PDE1A: variants seen among roughly 807,000 people sequenced by gnomAD.
The protein encoded by PDE1A is phosphodiesterase 1A.
In PDE1A, 35 loss-of-function variants were observed where a neutral mutation model predicts 61.7. That is an observed-to-expected ratio of 0.57 (90% CI 0.43 to 0.75). PDE1A has a LOEUF of 0.75. Ranked by LOEUF, PDE1A falls within the 30% of genes least tolerant of loss-of-function variation. The pLI is 0.00. For missense variants in PDE1A, 597 were observed against 630.6 expected, an observed-to-expected ratio of 0.95 and a Z score of 0.57; for synonymous variants, 232 against 213.2, an observed-to-expected ratio of 1.09 and a Z score of -0.77.
upstream of PDE1A, among the ~76,000 whole-genome samples, chr2:182,430,797 G>T (rs372945307): frequency 7.6e-6 from 1 of 131,804 alleles, no homozygotes; most frequent in African/African-American, 2.7e-5. Flanking sequence ...ATGAGTTCAT[G>T]TCCTTTGTAG....
At chr2:182,476,471 A>G (rs1317156837) in intron 2 of PDE1A, among the ~76,000 whole-genome samples, 1 of 152,000 alleles carries the variant, frequency 6.6e-6, no homozygotes, top group East Asian at 1.9e-4. Flanking sequence ...CCTGGGCAAC[A>G]AAGCGAGACT....
At chr2:182,182,419 C>T (rs1684841548) in intron 13 of PDE1A, among the ~76,000 whole-genome samples, 1 of 152,124 alleles carries the variant, frequency 6.6e-6, no homozygotes, top group African/African-American at 2.4e-5. Context: ...ATTATAGACC[C>T]TCTCAACCAT....
At chr2:182,697,895 A>T in the PDE1A span, among the ~76,000 whole-genome samples, 1 of 152,210 alleles carries the variant, frequency 6.6e-6, no homozygotes, top group Non-Finnish European at 1.5e-5. Flanking sequence ...TGAGTGCTAC[A>T]ATTCAGGCAA....
At chr2:182,598,490 T>C in the PDE1A span, among the ~76,000 whole-genome samples, 1 of 151,090 alleles carries the variant, frequency 6.6e-6, no homozygotes, top group African/African-American at 2.4e-5. Flanking sequence ...GAGAATCACT[T>C]GAATCTGGGA....
chr2:182,662,332 A>C, the PDE1A span, among the ~76,000 whole-genome samples: 1 of 72,684 alleles, frequency 1.4e-5, no homozygotes, highest in South Asian at 4.6e-4. Context: ...TAAAAATTGA[A>C]AAAAAAAAGA....
chr2:182,699,333 G>C, the PDE1A span, among the ~76,000 whole-genome samples: 1 of 152,134 alleles, frequency 6.6e-6, no homozygotes, highest in Admixed American at 6.5e-5. Flanking sequence ...GGTTCACTAA[G>C]TGTCACATTT....
chr2:182,692,153 A>T, the PDE1A span, among the ~76,000 whole-genome samples: 1 of 152,194 alleles, frequency 6.6e-6, no homozygotes, highest in Non-Finnish European at 1.5e-5. Context: ...ATACAATGTG[A>T]CCCAGCAATC....
At chr2:182,660,400 C>T in the PDE1A span, among the ~76,000 whole-genome samples, 4 of 152,194 alleles carry the variant, frequency 2.6e-5, no homozygotes, top group South Asian at 2.1e-4. Context: ...CCCATTGCCC[C>T]TCATCCTGTA....
intron 1 of PDE1A, among the ~76,000 whole-genome samples, chr2:182,374,080 A>C (rs1407993577): frequency 6.6e-6 from 1 of 152,178 alleles, no homozygotes. Flanking sequence ...TAAAGTACTA[A>C]TGTTCAAAAA....
intron 1 of PDE1A, among the ~76,000 whole-genome samples, chr2:182,290,663 CT>C (rs924471250): frequency 5.1e-4 from 78 of 151,952 alleles, no homozygotes; most frequent in Admixed American, 3.2e-3. Flanking sequence ...TTGCTCCAAT[CT>C]AATCCATCCT....
chr2:182,704,510 A>T, the PDE1A span, among the ~76,000 whole-genome samples: 5 of 152,248 alleles, frequency 3.3e-5, no homozygotes, highest in African/African-American at 1.2e-4. Flanking sequence ...AGGTCAAAGT[A>T]AGAATTTTCT....
Position 182,186,593 on chromosome 2 carries a change from A to T in PDE1A, c.1208-5T>A. The T allele has an allele frequency of 6.3e-7, 1 of 1,594,256 alleles. No individual in the cohort carries two copies. The highest frequency in any genetic ancestry group is 8.5e-7 in the Non-Finnish European group (1 of 1,172,844). ...CTACTATGAAATCGATGAAACCTAC[A>T]AAAGCCAAAATGAGAAGAGAGAGAG... is the stretch of plus-strand genomic sequence containing the variant. On this transcript the variant is annotated splice_region_variant and splice_polypyrimidine_tract_variant and intron_variant, in intron 11 of 13. Transcript: ENST00000351439.
At chr2:182,339,132 A>G (rs1205985801) in intron 1 of PDE1A, among the ~76,000 whole-genome samples, 2 of 152,164 alleles carry the variant, frequency 1.3e-5, no homozygotes, top group Non-Finnish European at 2.9e-5. Context: ...ACCACTGCAT[A>G]AAAGAAAATT....
At chr2:182,522,786 T>C, upstream of PDE1A, 1 of 468,880 alleles carries the variant, frequency 2.1e-6, no homozygotes, top group Non-Finnish European at 2.8e-6. Context: ...TGAATGACTT[T>C]CGCGCTCCAG....
chr2:182,588,861 T>C, the PDE1A span, among the ~76,000 whole-genome samples: 528 of 152,022 alleles, frequency 3.5e-3, 3 homozygotes, highest in African/African-American at 0.012. Flanking sequence ...TTGGCCAACA[T>C]GGTGAAACCC....
chr2:182,312,175 T>G (rs1302485669), intron 1 of PDE1A, among the ~76,000 whole-genome samples: 1 of 152,136 alleles, frequency 6.6e-6, no homozygotes, highest in Non-Finnish European at 1.5e-5. Flanking sequence ...TTGAGAGTTC[T>G]TTATATATTC....
chr2:182,312,212 T>C (rs1595447), intron 1 of PDE1A, among the ~76,000 whole-genome samples: 36,221 of 152,098 alleles, frequency 0.24, 4,670 homozygotes, highest in East Asian at 0.48. Context: ...TTCAGATATA[T>C]GGTTTGCAAA....
At chr2:182,594,478 T>C in the PDE1A span, among the ~76,000 whole-genome samples, 1 of 152,242 alleles carries the variant, frequency 6.6e-6, no homozygotes, top group Non-Finnish European at 1.5e-5. Flanking sequence ...TATTTCAATA[T>C]ATTTTAAGAA....
chr2:182,318,298 G>A (rs191401003), intron 1 of PDE1A, among the ~76,000 whole-genome samples: 97 of 152,136 alleles, frequency 6.4e-4, no homozygotes, highest in African/African-American at 2.2e-3. Context: ...AAACTGCAAT[G>A]CCAATGATGC....
Sources: allele counts gnomAD v4.1 joint callset (sites outside exome capture counted in the v4.1 genomes callset), GRCh38; gene constraint gnomAD v4.1.1; transcripts MANE v1.5; gene names NCBI Gene and HGNC (gene_info 2026-07-23, HGNC 2026-07-21).